Variants in LRP1B observed in about 807,000 individuals in gnomAD.
LRP1B encodes the protein LDL receptor related protein 1B.
A neutral mutation model predicts 556.6 loss-of-function variants in LRP1B; 217 were observed. The ratio of observed to expected loss-of-function variants is 0.39; its 90% CI spans 0.35 to 0.44. LRP1B has a LOEUF of 0.44. Ranked by LOEUF, LRP1B falls within the 20% of genes least tolerant of loss-of-function variation. The pLI is 1.00. For missense variants in LRP1B, 5,053 were observed against 5,620.8 expected (o/e 0.90, Z 3.23); for synonymous variants, 2,047 against 1,865.8 (o/e 1.10, Z -2.50).
intron 3 of LRP1B, among the ~76,000 whole-genome samples, chr2:141,310,287 C>A (rs1008667461): frequency 1.5e-4 from 23 of 152,054 alleles, no homozygotes; most frequent in African/African-American, 5.3e-4. Flanking sequence ...TTGGTTTAAA[C>A]CTTGGTTTAA....
intron 35 of LRP1B, among the ~76,000 whole-genome samples, chr2:140,733,381 A>G (rs145553621): frequency 6.6e-6 from 1 of 152,304 alleles, no homozygotes; most frequent in Admixed American, 6.5e-5. Flanking sequence ...AAAGCTAAAC[A>G]GTGAAAACTA....
At chr2:140,606,160 T>C (rs1682860301) in intron 41 of LRP1B, among the ~76,000 whole-genome samples, 1 of 152,020 alleles carries the variant, frequency 6.6e-6, no homozygotes, top group Non-Finnish European at 1.5e-5. Context: ...TAGAAATGTA[T>C]ACTCAGGATG....
In LRP1B at chr2:140,893,026, G is replaced by A. The variant is rs759472185; in HGVS notation, c.3767-6691C>T. Among the ~76,000 whole-genome samples, 61 of 152,064 alleles carry A rather than the reference G, an allele frequency of 4.0e-4. No individual in the cohort carries two copies. The Middle Eastern group carries it at 0.02, about 51-fold the overall frequency. On this transcript the variant is annotated intron_variant, in intron 23 of 90. Coordinates refer to ENST00000389484, the MANE Select transcript of LRP1B (RefSeq NM_018557.3). ...AGGAAAGGAAGAGGGGTAGGCTTTC[G>A]AAATAAAAGTAAAGAAAGAAAGAGA...
chr2:141,524,263 A>AATATATATATATATATATATATAT, intron 2 of LRP1B, among the ~76,000 whole-genome samples: 1 of 148,050 alleles, frequency 6.8e-6, no homozygotes, highest in Admixed American at 6.7e-5. Context: ...ATAAGCAAAG[A>AATATATATATATATATATATATAT]ATATATATAT....
chr2:141,004,099 T>TCCTC (rs1400259311), intron 15 of LRP1B, among the ~76,000 whole-genome samples: 1 of 152,094 alleles, frequency 6.6e-6, no homozygotes, highest in Non-Finnish European at 1.5e-5. Flanking sequence ...TTTATTACAC[T>TCCTC]TATCCCTCCT....
chr2:140,452,308 G>A (rs879590946), intron 62 of LRP1B, among the ~76,000 whole-genome samples: 10 of 152,048 alleles, frequency 6.6e-5, no homozygotes, highest in Non-Finnish European at 8.8e-5. Flanking sequence ...TCAGATAGAA[G>A]AAACTAAAGA....
chr2:141,193,810 G>C lies in LRP1B; in HGVS notation c.851-5227C>G, dbSNP rs373941242. On this transcript the variant is annotated intron_variant, in intron 6 of 90. Transcript: ENST00000389484. ...ATAAAAATAAAAGGAATTGTTGTTT[G>C]TCTTTTTTATGTCATTCTGAACCAT... is the stretch of plus-strand genomic sequence containing the variant. 2.0e-5 allele frequency among the ~76,000 whole-genome samples: 3 copies of C among 151,548 alleles called. No homozygotes were observed. The East Asian group carries it at 5.8e-4, about 29-fold the overall frequency.
intron 1 of LRP1B, among the ~76,000 whole-genome samples, chr2:141,887,587 C>G (rs999487491): frequency 6.6e-6 from 1 of 152,024 alleles, no homozygotes; most frequent in Admixed American, 6.6e-5. Context: ...GGCAGGACAC[C>G]GGATGAATGA....
chr2:140,983,996 GA>G (rs1386620781), intron 17 of LRP1B, among the ~76,000 whole-genome samples: 5 of 151,566 alleles, frequency 3.3e-5, no homozygotes, highest in African/African-American at 1.2e-4. Flanking sequence ...TCATCTATAC[GA>G]AAATGAATAA....
intron 3 of LRP1B, among the ~76,000 whole-genome samples, chr2:141,434,441 T>C (rs1464973343): frequency 6.8e-6 from 1 of 146,692 alleles, no homozygotes; most frequent in African/African-American, 2.5e-5. Flanking sequence ...TTGGTTCTTT[T>C]GAAATAGTTT....
intron 2 of LRP1B, among the ~76,000 whole-genome samples, chr2:141,591,964 A>G (rs1687355870): frequency 6.6e-6 from 1 of 152,148 alleles, no homozygotes. Flanking sequence ...GGATTATGAA[A>G]GTCTTACTTT....
chr2:140,865,882 G>A lies in LRP1B; in HGVS notation c.4579+1708C>T, dbSNP rs555335036. Among the ~76,000 whole-genome samples the A allele has an allele frequency of 1.4e-3, 219 of 152,134 alleles. 1 individual carries two copies. Among genetic ancestry groups the A allele is most frequent in the Non-Finnish European group, 2.6e-3 (175 of 67,940 alleles). On this transcript the variant is annotated intron_variant, in intron 27 of 90. Transcript: ENST00000389484. ...ACCAAAAAATGACAATGAATGTCTC[G>A]TTTCTTTCCTATATATGCATAAATA...
At chr2:141,626,690 C>A (rs13396250) in intron 2 of LRP1B, among the ~76,000 whole-genome samples, 3 of 152,040 alleles carry the variant, frequency 2.0e-5, no homozygotes, top group South Asian at 4.2e-4. Flanking sequence ...AAATAGTATA[C>A]GAAAAGATGC....
chr2:142,114,398 C>T (rs1574700351), intron 1 of LRP1B, among the ~76,000 whole-genome samples: 1 of 152,142 alleles, frequency 6.6e-6, no homozygotes, highest in East Asian at 1.9e-4. Flanking sequence ...CAGTTCTAGT[C>T]CAGCAACCCC....
intron 1 of LRP1B, among the ~76,000 whole-genome samples, chr2:142,098,932 A>G (rs1394573042): frequency 1.3e-5 from 2 of 151,786 alleles, no homozygotes; most frequent in Non-Finnish European, 2.9e-5. Context: ...TAATTTGAGG[A>G]GTTGTTCCTA....
intron 18 of LRP1B, among the ~76,000 whole-genome samples, chr2:140,971,853 A>G (rs1327493824): frequency 6.6e-6 from 1 of 152,172 alleles, no homozygotes; most frequent in Non-Finnish European, 1.5e-5. Context: ...TTAGAATCAC[A>G]TGAGATTATT....
chr2:141,384,109 A>G lies in LRP1B; in HGVS notation c.343+96287T>C, dbSNP rs1181497696. On this transcript the variant is annotated intron_variant, in intron 3 of 90. Transcript: ENST00000389484. ...CATACTGTATACCTTAAATATATAC[A>G]TTTTTTATTTTTTAAAAGGTGAAAG... 4.6e-5 allele frequency among the ~76,000 whole-genome samples: 7 copies of G among 152,280 alleles called. No homozygotes were observed. The East Asian group carries it at 1.4e-3, about 29-fold the overall frequency.
intron 1 of LRP1B, among the ~76,000 whole-genome samples, chr2:141,841,329 A>G (rs547600329): frequency 1.3e-4 from 20 of 152,304 alleles, no homozygotes; most frequent in African/African-American, 4.3e-4. Flanking sequence ...TAAAAACATA[A>G]CTTTCTAAAT....
intron 41 of LRP1B, among the ~76,000 whole-genome samples, chr2:140,617,542 G>C (rs1683300978): frequency 6.6e-6 from 1 of 151,962 alleles, no homozygotes; most frequent in South Asian, 2.1e-4. Flanking sequence ...CTGATCTTTT[G>C]TCTTTCTTGA....
Sources: allele counts gnomAD v4.1 joint callset (sites outside exome capture counted in the v4.1 genomes callset), GRCh38; gene constraint gnomAD v4.1.1; transcripts MANE v1.5; gene names NCBI Gene and HGNC (gene_info 2026-07-23, HGNC 2026-07-21).